DOCK3: variants seen among roughly 807,000 people sequenced by gnomAD.
DOCK3 encodes the protein dedicator of cytokinesis protein 3.
In DOCK3, 60 loss-of-function variants were observed where a neutral mutation model predicts 265.6. That is an observed-to-expected ratio of 0.23 (90% confidence interval 0.18 to 0.28). DOCK3 has a LOEUF of 0.28. Ranked by LOEUF, DOCK3 falls within the 10% of genes least tolerant of loss-of-function variation. The pLI is 1.00. For missense variants in DOCK3, 1,981 were observed against 2,594.3 expected (o/e 0.76, Z 5.14); for synonymous variants, 881 against 938.0 (o/e 0.94, Z 1.11).
At chr3:50,708,526 C>T (rs996076823) in intron 1 of DOCK3, among the ~76,000 whole-genome samples, 32 of 152,120 alleles carry the variant, frequency 2.1e-4, no homozygotes, top group African/African-American at 7.0e-4. Flanking sequence ...CTAGAGGGGG[C>T]TGTGATTTCA....
intron 1 of DOCK3, among the ~76,000 whole-genome samples, chr3:50,690,703 T>C (rs1412765021): frequency 1.3e-5 from 2 of 151,816 alleles, no homozygotes; most frequent in East Asian, 3.9e-4. Context: ...AGTGCAGTGG[T>C]GTGATCTCGG....
rs527478559 is a variant in DOCK3 at position 51,256,603 on chromosome 3, T to G, written c.2185-3553T>G. Among the ~76,000 whole-genome samples the G allele has an allele frequency of 2.6e-5, 4 of 151,008 alleles. No homozygotes were observed. In the South Asian group the frequency reaches 8.4e-4, roughly 32 times the overall value. On this transcript the variant is annotated intron_variant, in intron 22 of 52. Coordinates refer to ENST00000266037, the MANE Select transcript of DOCK3 (RefSeq NM_004947.5). Reference sequence around the variant, plus strand: ...TGAGTTTTCGTTTTTGTTTTTTTTTTTTTTTTTTAGATGGAGTCTCACTCT... The same window carrying G: ...TGAGTTTTCGTTTTTGTTTTTTTTTGTTTTTTTTAGATGGAGTCTCACTCT...
At chr3:51,085,995 A>G (rs887482775) in intron 7 of DOCK3, among the ~76,000 whole-genome samples, 8 of 152,232 alleles carry the variant, frequency 5.3e-5, no homozygotes, top group African/African-American at 1.9e-4. Flanking sequence ...TAGAGGAATT[A>G]AAGACACACA....
At chr3:51,333,399 TCTG>T (rs2084656499) in intron 35 of DOCK3, 146 bp downstream of exon 35, 2 of 827,826 alleles carry the variant, frequency 2.4e-6, no homozygotes, top group Non-Finnish European at 4.0e-6. Context: ...TCAATAGGAA[TCTG>T]CTGATGACCA....
intron 1 of DOCK3, among the ~76,000 whole-genome samples, chr3:50,696,890 C>T (rs1421518054): frequency 6.6e-6 from 1 of 151,558 alleles, no homozygotes; most frequent in Non-Finnish European, 1.5e-5. Context: ...TTAAAGCCTA[C>T]CTTTAAAGCT....
chr3:50,681,374 G>A (rs756977205), intron 1 of DOCK3, among the ~76,000 whole-genome samples: 17 of 151,920 alleles, frequency 1.1e-4, no homozygotes, highest in Non-Finnish European at 2.4e-4. Context: ...TAAAATTTTT[G>A]TGTCTTTATT....
intron 5 of DOCK3, among the ~76,000 whole-genome samples, chr3:51,015,554 G>A (rs898984664): frequency 2.0e-5 from 3 of 150,244 alleles, no homozygotes; most frequent in Non-Finnish European, 4.4e-5. Context: ...GGATTTTTGT[G>A]TCAATATTTA....
At chr3:51,033,420 C>T (rs1319660121) in intron 5 of DOCK3, among the ~76,000 whole-genome samples, 1 of 152,208 alleles carries the variant, frequency 6.6e-6, no homozygotes, top group Non-Finnish European at 1.5e-5. Flanking sequence ...CCCACTTCCA[C>T]CTTTTAGTAG....
intron 1 of DOCK3, among the ~76,000 whole-genome samples, chr3:50,720,131 C>A (rs1376247902): frequency 6.6e-6 from 1 of 151,382 alleles, no homozygotes; most frequent in Non-Finnish European, 1.5e-5. Flanking sequence ...TACCTGGAAT[C>A]TTTTTTTTTA....
chr3:51,086,610 C>G (rs1240550859), intron 7 of DOCK3, among the ~76,000 whole-genome samples: 1 of 152,126 alleles, frequency 6.6e-6, no homozygotes, highest in Non-Finnish European at 1.5e-5. Context: ...CCAGACTGGC[C>G]AACATGGCAA....
intron 27 of DOCK3, among the ~76,000 whole-genome samples, chr3:51,305,725 T>TGCGTGTGC (rs1219094916): frequency 2.4e-5 from 1 of 41,984 alleles, no homozygotes; most frequent in East Asian, 7.9e-4. Context: ...TCTGTGTGTG[T>TGCGTGTGC]GTGTGTGCGC....
chr3:51,178,245 C>T (rs530624216), intron 12 of DOCK3, among the ~76,000 whole-genome samples: 35 of 152,224 alleles, frequency 2.3e-4, no homozygotes, highest in Admixed American at 8.5e-4. Flanking sequence ...GGAAAGAGAA[C>T]ATACACCTAT....
At chr3:50,990,563 G>A (rs554914410) in intron 5 of DOCK3, among the ~76,000 whole-genome samples, 1 of 152,078 alleles carries the variant, frequency 6.6e-6, no homozygotes, top group Non-Finnish European at 1.5e-5. Flanking sequence ...CTGTATTAGG[G>A]TTCTCTAGAG....
chr3:51,328,071 G>T (rs1404609456), intron 32 of DOCK3, among the ~76,000 whole-genome samples: 1 of 152,164 alleles, frequency 6.6e-6, no homozygotes, highest in Non-Finnish European at 1.5e-5. Flanking sequence ...CACAACTTGT[G>T]TGCTCCCACC....
At chr3:51,015,285 T>C (rs2079107671) in intron 5 of DOCK3, among the ~76,000 whole-genome samples, 1 of 152,122 alleles carries the variant, frequency 6.6e-6, no homozygotes, top group African/African-American at 2.4e-5. Context: ...ATATGGCTTT[T>C]ACTGTGTTGA....
chr3:50,858,779 G>A (rs1458213893), intron 3 of DOCK3, among the ~76,000 whole-genome samples: 1 of 152,024 alleles, frequency 6.6e-6, no homozygotes, highest in East Asian at 1.9e-4. Context: ...CTCCCTTTCA[G>A]GGATGCCAAT....
chr3:51,143,262 T>G (rs1412649694), intron 9 of DOCK3, among the ~76,000 whole-genome samples: 1 of 16,378 alleles, frequency 6.1e-5, no homozygotes, highest in African/African-American at 4.3e-4. Context: ...GTTTTCTGTT[T>G]TTTTTTTTTA....
chr3:50,954,539 A>G (rs2076677933), intron 5 of DOCK3, among the ~76,000 whole-genome samples: 1 of 152,168 alleles, frequency 6.6e-6, no homozygotes, highest in African/African-American at 2.4e-5. Context: ...GAATTATATT[A>G]TTTATATAAA....
intron 12 of DOCK3, among the ~76,000 whole-genome samples, chr3:51,163,763 C>T (rs1481777297): frequency 6.6e-6 from 1 of 151,970 alleles, no homozygotes; most frequent in South Asian, 2.1e-4. Context: ...CAGATAAATA[C>T]ATATTTTGAA....
Sources: gnomAD v4.1 joint callset for allele counts (sites outside exome capture counted in the v4.1 genomes callset) on GRCh38, gnomAD v4.1.1 for gene constraint, MANE v1.5 for transcripts, NCBI Gene and HGNC (gene_info 2026-07-23, HGNC 2026-07-21) for gene names.